Variants in MYO1H observed in about 807,000 individuals in gnomAD.
The protein encoded by MYO1H is unconventional myosin-Ih.
In MYO1H, 118 loss-of-function variants were observed where a neutral mutation model predicts 149.3. The ratio of observed to expected loss-of-function variants is 0.79; its 90% CI spans 0.68 to 0.92. The LOEUF (loss-of-function observed/expected upper bound fraction) is 0.92. Ranked by LOEUF, MYO1H falls within the 40% of genes least tolerant of loss-of-function variation. The pLI, the probability that MYO1H is intolerant of heterozygous loss-of-function variation, is 0.00. For synonymous variants in MYO1H, 447 were observed against 465.2 expected (o/e 0.96, Z 0.50); for missense variants, 1,212 against 1,280.7 (o/e 0.95, Z 0.82).
At chr12:109,444,590 A>G in intron 30 of MYO1H, 61 bp downstream of exon 30, 1 of 1,328,602 alleles carries the variant, frequency 7.5e-7, no homozygotes, top group Admixed American at 1.8e-5. Context: ...ATTAAGGCCG[A>G]GCGTGGTGGC....
the MYO1H span, among the ~76,000 whole-genome samples, chr12:109,339,972 T>G: frequency 6.6e-6 from 1 of 152,202 alleles, no homozygotes; most frequent in Non-Finnish European, 1.5e-5. Flanking sequence ...GAACTCCATA[T>G]CCTACTGTTT....
exon 30 of MYO1H, chr12:109,444,490 T>C (rs917671896): frequency 2.5e-6 from 4 of 1,613,888 alleles, no homozygotes; most frequent in Non-Finnish European, 3.4e-6. Context: ...CTCGTCATGC[T>C]GGTTAAGAAG....
In MYO1H at chr12:109,421,103, C is replaced by T. The variant is rs147747351; in HGVS notation, c.1644+76C>T. ...CCATGATAGTGATTTTGGTAGAATT[C>T]GCCTTCTGGATTTTTTTTTTTTCCA... is the stretch of plus-strand genomic sequence containing the variant. On this transcript the variant is annotated intron_variant, in intron 16 of 31. Coordinates refer to ENST00000310903, the Ensembl canonical transcript of MYO1H. 1,250 of 1,068,192 alleles carry T rather than the reference C, an allele frequency of 1.2e-3. 1 individual carries two copies. The highest frequency in any genetic ancestry group is 1.6e-3 in the Non-Finnish European group (1,130 of 724,138). The allele number at this position is 1,068,192 out of a possible 1,614,324, so 66.2% of individuals were successfully genotyped here.
intron 3 of MYO1H, among the ~76,000 whole-genome samples, 158 bp downstream of exon 3, chr12:109,393,604 C>G (rs561345908): frequency 4.0e-5 from 6 of 151,780 alleles, no homozygotes; most frequent in Admixed American, 3.9e-4. Flanking sequence ...TCCACCTATC[C>G]ATCCACCTAT....
the MYO1H span, among the ~76,000 whole-genome samples, chr12:109,335,968 C>G: frequency 1.3e-5 from 2 of 152,124 alleles, no homozygotes; most frequent in East Asian, 3.9e-4. Context: ...ATCATCCTTT[C>G]ATCTTCAATC....
rs1871591919 is a variant in MYO1H, at chr12:109,431,027, C to T, written c.1950-1870C>T. ...CCGAGATCGCACCACTGCACTCCAGCCTGGGAGACAGAGCGAGACTCCATC... is the reference window on the plus strand; with the variant it reads ...CCGAGATCGCACCACTGCACTCCAGTCTGGGAGACAGAGCGAGACTCCATC... On this transcript the variant is annotated intron_variant, in intron 19 of 31. Coordinates refer to ENST00000310903, the Ensembl canonical transcript of MYO1H. Among the ~76,000 whole-genome samples the T allele has an allele frequency of 9.3e-5, 14 of 150,572 alleles. 1 individual carries two copies. The South Asian group carries it at 2.9e-3, about 32-fold the overall frequency.
the MYO1H span, among the ~76,000 whole-genome samples, chr12:109,315,902 G>A: frequency 6.6e-6 from 1 of 152,182 alleles, no homozygotes; most frequent in African/African-American, 2.4e-5. Context: ...AGCTTACTCT[G>A]CCCAACGAGG....
Position 109,364,585 on chromosome 12 carries a change from A to G in MYO1H, c.12+16613A>G, listed in dbSNP as rs765849521. 7.0e-4 allele frequency among the ~76,000 whole-genome samples: 106 copies of G among 152,072 alleles called. 1 individual carries two copies. The highest frequency in any genetic ancestry group is 1.2e-3 in the Non-Finnish European group (83 of 68,008). On this transcript the variant is annotated intron_variant, in intron 1 of 31. Transcript: ENST00000310903. ...AGCGATCCACCTGCCTCGGCTTCCC[A>G]CGTTCTTTTTTAAAAGGCAGAAAAT... is the stretch of plus-strand genomic sequence containing the variant.
chr12:109,348,164 T>TG (rs1390281584), intron 1 of MYO1H, among the ~76,000 whole-genome samples, 192 bp downstream of exon 1: 1 of 152,222 alleles, frequency 6.6e-6, no homozygotes, highest in Non-Finnish European at 1.5e-5. Context: ...CTTCTGTTGC[T>TG]GGGGGCAAGT....
chr12:109,428,063 G>A (rs1378411111), intron 19 of MYO1H, among the ~76,000 whole-genome samples: 5 of 147,264 alleles, frequency 3.4e-5, no homozygotes, highest in Admixed American at 3.4e-4. Flanking sequence ...CTCCAGCCTG[G>A]GTGACAGAAT....
At chr12:109,329,033 C>CTTTTTTTTTTTTT in the MYO1H span, among the ~76,000 whole-genome samples, 1 of 132,072 alleles carries the variant, frequency 7.6e-6, no homozygotes, top group Non-Finnish European at 1.6e-5. Context: ...TCTTTTTTTT[C>CTTTTTTTTTTTTT]TTTTTTTTTT....
chr12:109,327,392 C>T, the MYO1H span, among the ~76,000 whole-genome samples: 1 of 151,692 alleles, frequency 6.6e-6, no homozygotes, highest in Non-Finnish European at 1.5e-5. Context: ...CTCGGCCACT[C>T]AAAGTGCTGG....
At chr12:109,391,776 T>C (rs987554361) in intron 2 of MYO1H, among the ~76,000 whole-genome samples, 1 of 152,228 alleles carries the variant, frequency 6.6e-6, no homozygotes, top group Non-Finnish European at 1.5e-5. Flanking sequence ...TGAGATGATA[T>C]CTCATTGTGG....
intron 2 of MYO1H, among the ~76,000 whole-genome samples, chr12:109,390,761 G>A (rs1381189344): frequency 1.3e-5 from 2 of 151,972 alleles, no homozygotes; most frequent in Non-Finnish European, 2.9e-5. Context: ...CGCCACCCGG[G>A]TTCAAGCAAT....
chr12:109,313,267 A>C, the MYO1H span, among the ~76,000 whole-genome samples: 3 of 151,648 alleles, frequency 2.0e-5, no homozygotes, highest in African/African-American at 4.9e-5. Flanking sequence ...ACCAAAAAAA[A>C]CCCCACAAGT....
upstream of MYO1H, among the ~76,000 whole-genome samples, chr12:109,346,306 G>A (rs2048102320): frequency 6.6e-6 from 1 of 152,108 alleles, no homozygotes; most frequent in Non-Finnish European, 1.5e-5. Flanking sequence ...TTTATATCAG[G>A]CAATTGAGCA....
chr12:109,347,828 AC>A (rs960221759), upstream of MYO1H: 5 of 397,346 alleles, frequency 1.3e-5, no homozygotes, highest in African/African-American at 1.0e-4. Flanking sequence ...ACTTAGCTCC[AC>A]CCCGCAAGCT....
chr12:109,443,668 T>G lies in MYO1H; in HGVS notation c.2824+19T>G, dbSNP rs1339450847. On this transcript the variant is annotated intron_variant, in intron 28 of 31. Coordinates refer to ENST00000310903, the Ensembl canonical transcript of MYO1H. ...CTCAAAGGTAAGAAGTGGGCAATCT[T>G]TAAAACAATGCACTGAGTTGACTCA... 1 of 1,613,030 alleles carries G rather than the reference T, an allele frequency of 6.2e-7. No individual in the cohort carries two copies. The highest frequency in any genetic ancestry group is 1.3e-5 in the African/African-American group (1 of 74,948).
At chr12:109,425,915 GTT>G in intron 17 of MYO1H, 29 bp from the exon 18 acceptor site, 1 of 1,357,200 alleles carries the variant, frequency 7.4e-7, no homozygotes, top group Non-Finnish European at 1.0e-6. Flanking sequence ...TCTCTGGCTC[GTT>G]CTCTCTCTCT....
Sources: allele counts gnomAD v4.1 joint callset (sites outside exome capture counted in the v4.1 genomes callset), GRCh38; gene constraint gnomAD v4.1.1; transcripts MANE v1.5; gene names NCBI Gene and HGNC (gene_info 2026-07-23, HGNC 2026-07-21).